Variants in P2RX5 observed in about 807,000 individuals in gnomAD.
The protein encoded by P2RX5 is purinergic receptor P2X 5.
P2RX5 carries 46 observed loss-of-function variants against 54.1 expected under a neutral mutation model. The ratio of observed to expected loss-of-function variants is 0.85; its 90% confidence interval spans 0.67 to 1.09. The LOEUF is 1.09. P2RX5 is among the 50% of genes least tolerant of loss of function. The pLI, the probability that P2RX5 is intolerant of heterozygous loss-of-function variation, is 0.00. For synonymous variants in P2RX5, 226 were observed against 226.4 expected (o/e 1.00, Z 0.02); for missense variants, 566 against 549.8 (o/e 1.03, Z -0.29).
intron 1 of P2RX5, among the ~76,000 whole-genome samples, chr17:3,693,946 G>A (rs985566271): frequency 2.6e-5 from 4 of 151,768 alleles, no homozygotes; most frequent in Non-Finnish European, 5.9e-5. Flanking sequence ...TGAATTTTTA[G>A]TAGAGACGGG....
At chr17:3,704,437 C>G in the P2RX5 span, among the ~76,000 whole-genome samples, 77,110 of 152,016 alleles carry the variant, frequency 0.51, 21,503 homozygotes, top group South Asian at 0.69. Context: ...TGCTGAGGTC[C>G]TTCCATGACG....
the P2RX5 span, among the ~76,000 whole-genome samples, chr17:3,707,523 C>G: frequency 6.6e-6 from 1 of 152,176 alleles, no homozygotes; most frequent in Non-Finnish European, 1.5e-5. Flanking sequence ...GGTGTTTTCT[C>G]TCATTCATCC....
chr17:3,690,930 C>A (rs199969828), intron 3 of P2RX5, 26 bp downstream of exon 3: 3 of 1,602,712 alleles, frequency 1.9e-6, no homozygotes, highest in African/African-American at 2.7e-5. Context: ...CCCACCCCCA[C>A]GCCAGGGCCC....
the P2RX5 span, among the ~76,000 whole-genome samples, chr17:3,714,160 C>CT: frequency 6.6e-6 from 1 of 152,016 alleles, no homozygotes; most frequent in Non-Finnish European, 1.5e-5. Context: ...ATCTCCTGAC[C>CT]TCGTGATCCA....
the P2RX5 span, among the ~76,000 whole-genome samples, chr17:3,706,076 T>C: frequency 6.6e-6 from 1 of 152,020 alleles, no homozygotes; most frequent in African/African-American, 2.4e-5. Flanking sequence ...TGCCTCACCT[T>C]CCTGAGTAGC....
At chr17:3,707,708 C>T in the P2RX5 span, among the ~76,000 whole-genome samples, 8 of 152,108 alleles carry the variant, frequency 5.3e-5, no homozygotes, top group Non-Finnish European at 7.4e-5. Flanking sequence ...CCTTCAGTCC[C>T]CCTGACTACT....
chr17:3,689,847 C>T (rs1407340054), intron 6 of P2RX5, among the ~76,000 whole-genome samples: 1 of 152,234 alleles, frequency 6.6e-6, no homozygotes, highest in Admixed American at 6.5e-5. Flanking sequence ...CACACGCACA[C>T]ACGCGTGCAC....
chr17:3,698,687 G>A (rs1328978806), upstream of P2RX5, among the ~76,000 whole-genome samples: 1 of 152,102 alleles, frequency 6.6e-6, no homozygotes, highest in Non-Finnish European at 1.5e-5. Flanking sequence ...CTCCAGTACA[G>A]GCAGCCCCTC....
chr17:3,699,067 ACACACACACACACACACACACACACACC>A (rs1285552733), upstream of P2RX5, among the ~76,000 whole-genome samples: 1 of 90,140 alleles, frequency 1.1e-5, no homozygotes, highest in Non-Finnish European at 2.7e-5. Flanking sequence ...ACACACACAC[ACACACACACACACACACACACACACACC>A]TATATATATA....
At chr17:3,715,383 T>G in the P2RX5 span, among the ~76,000 whole-genome samples, 2 of 152,092 alleles carry the variant, frequency 1.3e-5, no homozygotes, top group Non-Finnish European at 2.9e-5. Context: ...TGGAAGGGTT[T>G]CTAGAAGGGA....
At chr17:3,716,589 G>C in the P2RX5 span, 1 of 724,154 alleles carries the variant, frequency 1.4e-6, no homozygotes. Context: ...ACGAGGCCAG[G>C]GCAGCTGCTC....
intron 1 of P2RX5, 55 bp from the exon 2 acceptor site, chr17:3,691,849 C>T (rs765518800): frequency 1.3e-5 from 21 of 1,597,938 alleles, no homozygotes; most frequent in Non-Finnish European, 1.8e-5. Context: ...CTTCGGGGAG[C>T]TTCCCCAGGC....
chr17:3,690,672 G>A lies in P2RX5; in HGVS notation c.369C>T (p.Gly123=). 1.2e-6 allele frequency: 2 copies of A among 1,613,208 alleles called. No individual in the cohort carries two copies. The highest frequency in any genetic ancestry group is 1.7e-6 in the Non-Finnish European group (2 of 1,180,010). Residue 123 remains glycine, a synonymous_variant, in exon 4 of 12, where the codon GGC becomes GGT. Transcript: ENST00000225328. ...QRQNVCAENE[G]IPDGACSKDS... ...CCTTGGAGCACGCGCCATCAGGAAT[G>A]CCTTCATTCTGCCAGGAGAGAAGGG...
intron 1 of P2RX5, 65 bp downstream of exon 1, chr17:3,695,804 G>A: frequency 1.3e-6 from 2 of 1,590,278 alleles, no homozygotes; most frequent in Non-Finnish European, 8.6e-7. Context: ...CCCTGGAGAA[G>A]GACGCGGCGG....
At chr17:3,676,336 T>A in intron 11 of P2RX5, 2 of 985,416 alleles carry the variant, frequency 2.0e-6, no homozygotes, top group South Asian at 4.7e-5. Context: ...CCTGAGTGAA[T>A]GTGTAAGAAA....
the P2RX5 span, among the ~76,000 whole-genome samples, chr17:3,701,508 T>C: frequency 6.6e-6 from 1 of 151,766 alleles, no homozygotes; most frequent in African/African-American, 2.4e-5. Context: ...GCCTGAACAA[T>C]ATGGAGAAAC....
At chr17:3,688,979 G>C (rs1027081284) in intron 7 of P2RX5, among the ~76,000 whole-genome samples, 3 of 152,240 alleles carry the variant, frequency 2.0e-5, no homozygotes, top group Non-Finnish European at 4.4e-5. Flanking sequence ...TCAGGGAGAA[G>C]GGAGCCGCAC....
chr17:3,720,043 T>TA, the P2RX5 span, among the ~76,000 whole-genome samples: 14 of 152,268 alleles, frequency 9.2e-5, no homozygotes, highest in East Asian at 2.7e-3. Flanking sequence ...TTTTTTTTTT[T>TA]AATCAATCCA....
intron 9 of P2RX5, chr17:3,682,538 G>A (rs893942597): frequency 1.7e-5 from 3 of 179,706 alleles, no homozygotes; most frequent in East Asian, 1.4e-4. Context: ...AGGGAGATGC[G>A]CTTCTGGAGA....
Sources: gnomAD v4.1 joint callset for allele counts (sites outside exome capture counted in the v4.1 genomes callset) on GRCh38, gnomAD v4.1.1 for gene constraint, MANE v1.5 for transcripts, NCBI Gene and HGNC (gene_info 2026-07-23, HGNC 2026-07-21) for gene names.